The following GNB5 variants were observed in gnomAD, a reference collection of about 807,000 sequenced individuals.
The protein encoded by GNB5 is guanine nucleotide-binding protein subunit beta-5.
A neutral mutation model predicts 55.3 loss-of-function variants in GNB5; 37 were observed. The observed-to-expected ratio is 0.67, with a 90% CI of 0.51 to 0.88. GNB5 has a LOEUF of 0.88. GNB5 is among the 40% of genes least tolerant of loss of function. GNB5 has a pLI of 0.00. For synonymous variants in GNB5, 219 were observed against 198.5 expected (o/e 1.10, Z -0.87); for missense variants, 476 against 515.3 (o/e 0.92, Z 0.74).
intron 3 of GNB5, among the ~76,000 whole-genome samples, chr15:52,170,821 T>C (rs181338990): frequency 8.7e-4 from 133 of 152,090 alleles, no homozygotes; most frequent in Admixed American, 6.4e-3. Context: ...AAAAAATTCA[T>C]GAGGCTGGGC....
chr15:52,154,178 A>G lies in GNB5; in HGVS notation c.239-102T>C, dbSNP rs1430322322. 10 of 1,049,012 alleles carry G rather than the reference A, an allele frequency of 9.5e-6. No homozygotes were observed. The African/African-American group carries it at 1.6e-4, about 17-fold the overall frequency. The allele number at this position is 1,049,012 out of a possible 1,614,324, so 65.0% of individuals were successfully genotyped here. ...ATGTTCCGCAGAGGGAGGCGGCCCC[A>G]TGGGCTTCCTCCATAACAAGCCACA... On this transcript the variant is annotated intron_variant, in intron 3 of 12. Transcript: ENST00000261837.
At position 52,116,607 on chromosome 15, in the gene GNB5, AAT is replaced by A. The variant is rs372804919; in HGVS notation, c.*6148_*6149del. On this transcript the variant is annotated 3_prime_UTR_variant, in exon 13 of 13. Coordinates refer to ENST00000261837, the MANE Select transcript of GNB5 (RefSeq NM_016194.4). ...GGAATGTGAAAGTTGTTAGAATTCA[AAT>A]AGAGTCACTAGTGTTTTAAAAAAAC... is the stretch of plus-strand genomic sequence containing the variant. The A allele has an allele frequency of 2.0e-5, 3 of 152,212 alleles. No homozygotes were observed. Among genetic ancestry groups the A allele is most frequent in the African/African-American group, 7.2e-5 (3 of 41,460 alleles). The allele number at this position is 152,212 out of a possible 1,614,324, so 9.4% of individuals were successfully genotyped here.
chr15:52,149,982 G>A, intron 4 of GNB5, 57 bp from the exon 5 acceptor site: 2 of 1,288,906 alleles, frequency 1.6e-6, no homozygotes. Flanking sequence ...GATTACTGCT[G>A]AGAATTCCTC....
intron 3 of GNB5, among the ~76,000 whole-genome samples, chr15:52,175,733 C>T (rs563243513): frequency 4.0e-5 from 5 of 125,236 alleles, no homozygotes; most frequent in African/African-American, 1.5e-4. Context: ...AGTGAGACTC[C>T]GTCTCAAAAA....
At chr15:52,183,522 G>A (rs1019742414) in intron 2 of GNB5, among the ~76,000 whole-genome samples, 16 of 152,152 alleles carry the variant, frequency 1.1e-4, no homozygotes, top group Non-Finnish European at 1.5e-4. Flanking sequence ...GCCACCCTGG[G>A]CTGTTTACTT....
intron 4 of GNB5, among the ~76,000 whole-genome samples, chr15:52,150,671 CT>C (rs1281917291): frequency 6.6e-6 from 1 of 152,272 alleles, no homozygotes; most frequent in Non-Finnish European, 1.5e-5. Flanking sequence ...AATGCTGCCA[CT>C]TTCACTGTAA....
At chr15:52,152,000 C>G (rs528320649) in intron 4 of GNB5, among the ~76,000 whole-genome samples, 1 of 151,678 alleles carries the variant, frequency 6.6e-6, no homozygotes, top group African/African-American at 2.4e-5. Flanking sequence ...ATGGTTGTGA[C>G]AGGATGGTGG....
At chr15:52,175,084 A>G (rs2034625174) in intron 3 of GNB5, among the ~76,000 whole-genome samples, 1 of 152,068 alleles carries the variant, frequency 6.6e-6, no homozygotes, top group South Asian at 2.1e-4. Flanking sequence ...AAAACAAACA[A>G]ACAAACAAAC....
At chr15:52,134,135 G>T (rs2141191963) in intron 8 of GNB5, among the ~76,000 whole-genome samples, 1 of 152,324 alleles carries the variant, frequency 6.6e-6, no homozygotes, top group East Asian at 1.9e-4. Context: ...CTCTCTTCAG[G>T]TTGCTAACAT....
At chr15:52,190,318 C>T (rs148429409) in intron 1 of GNB5, among the ~76,000 whole-genome samples, 7 of 151,872 alleles carry the variant, frequency 4.6e-5, no homozygotes, top group South Asian at 4.2e-4. Flanking sequence ...GGGGTTTCAC[C>T]GTGTTAACCA....
At chr15:52,158,789 C>A (rs1651194221) in intron 3 of GNB5, among the ~76,000 whole-genome samples, 1 of 152,120 alleles carries the variant, frequency 6.6e-6, no homozygotes, top group South Asian at 2.1e-4. Flanking sequence ...CTAGTTCATT[C>A]CAGTTCAGTC....
chr15:52,124,034 A>G (rs2141180837), intron 12 of GNB5, among the ~76,000 whole-genome samples: 1 of 151,954 alleles, frequency 6.6e-6, no homozygotes, highest in South Asian at 2.1e-4. Context: ...AAAAGGAAGA[A>G]AAAAGTAATA....
At chr15:52,179,931 G>A in intron 2 of GNB5, 52 bp from the exon 3 acceptor site, 2 of 1,447,138 alleles carry the variant, frequency 1.4e-6, no homozygotes, top group Non-Finnish European at 9.1e-7. Context: ...AATGCGCTGA[G>A]CCGCGGCGGG....
At chr15:52,154,223 T>C (rs556389439) in intron 3 of GNB5, 147 bp from the exon 4 acceptor site, 15 of 628,574 alleles carry the variant, frequency 2.4e-5, no homozygotes, top group Non-Finnish European at 3.8e-5. Context: ...TCTGATTCCT[T>C]ACCATTGCAT....
chr15:52,137,471 A>T, intron 7 of GNB5: 1 of 1,017,170 alleles, frequency 9.8e-7, no homozygotes, highest in Non-Finnish European at 1.2e-6. Flanking sequence ...GTCTGAAGCC[A>T]AGAGAGCACT....
chr15:52,130,221 C>A (rs941183454), intron 9 of GNB5, among the ~76,000 whole-genome samples: 1 of 152,158 alleles, frequency 6.6e-6, no homozygotes, highest in African/African-American at 2.4e-5. Flanking sequence ...CTCATACAAG[C>A]CCATGTCCTA....
At chr15:52,190,114 TA>T (rs201436349) in intron 1 of GNB5, among the ~76,000 whole-genome samples, 6 of 91,134 alleles carry the variant, frequency 6.6e-5, no homozygotes, top group Admixed American at 1.6e-4. Flanking sequence ...CATATCTCAA[TA>T]AATTTTTTTT....
At chr15:52,146,081 C>T (rs967288794) in intron 6 of GNB5, among the ~76,000 whole-genome samples, 7 of 151,596 alleles carry the variant, frequency 4.6e-5, no homozygotes, top group African/African-American at 7.3e-5. Flanking sequence ...CTCAGCCTCC[C>T]GAGTAGCTGG....
intron 6 of GNB5, among the ~76,000 whole-genome samples, chr15:52,145,277 A>G (rs2033946669): frequency 6.6e-6 from 1 of 152,034 alleles, no homozygotes; most frequent in African/African-American, 2.4e-5. Context: ...GATGGTAATA[A>G]ATTTTATATA....
Sources: gnomAD v4.1 joint callset for allele counts (sites outside exome capture counted in the v4.1 genomes callset) on GRCh38, gnomAD v4.1.1 for gene constraint, MANE v1.5 for transcripts, NCBI Gene and HGNC (gene_info 2026-07-23, HGNC 2026-07-21) for gene names.